CCDC102B: variants seen among roughly 807,000 people sequenced by gnomAD.
The protein encoded by CCDC102B is coiled-coil domain-containing protein 102B.
CCDC102B carries 75 observed loss-of-function variants against 57.4 expected under a neutral mutation model. That is an observed-to-expected ratio of 1.31 (90% CI 1.08 to 1.58). The LOEUF (loss-of-function observed/expected upper bound fraction) is 1.58. CCDC102B is among the 40% of genes most tolerant of loss of function. The probability of loss-of-function intolerance (pLI) is 0.00; values close to 1 mark genes in which losing one functional copy is unlikely to be tolerated. For missense variants in CCDC102B, 636 were observed against 582.6 expected (o/e 1.09, Z -0.94); for synonymous variants, 206 against 201.9 (o/e 1.02, Z -0.17).
At chr18:69,025,843 A>G (rs1303992198) in intron 7 of CCDC102B, among the ~76,000 whole-genome samples, 1 of 152,218 alleles carries the variant, frequency 6.6e-6, no homozygotes, top group East Asian at 1.9e-4. Flanking sequence ...GCAGAAGGAC[A>G]GAGCTGAGTA....
intron 7 of CCDC102B, among the ~76,000 whole-genome samples, chr18:69,027,829 T>C (rs1483868981): frequency 6.6e-6 from 1 of 152,166 alleles, no homozygotes; most frequent in Non-Finnish European, 1.5e-5. Context: ...AAATAAAATA[T>C]GTGAATTGTA....
At chr18:68,786,915 A>C (rs2035233641) in intron 2 of CCDC102B, among the ~76,000 whole-genome samples, 1 of 152,198 alleles carries the variant, frequency 6.6e-6, no homozygotes, top group Non-Finnish European at 1.5e-5. Flanking sequence ...CAGTTTTCAA[A>C]GGGAATGCTT....
intron 1 of CCDC102B, among the ~76,000 whole-genome samples, chr18:68,818,792 A>G (rs1050378071): frequency 6.6e-6 from 1 of 152,146 alleles, no homozygotes; most frequent in Non-Finnish European, 1.5e-5. Flanking sequence ...ATTTTGAGCA[A>G]TTAGGAATAA....
chr18:68,793,590 T>TATCCATCCATCCATCC (rs10628588), upstream of CCDC102B, among the ~76,000 whole-genome samples: 14 of 149,184 alleles, frequency 9.4e-5, no homozygotes, highest in African/African-American at 3.5e-4. Flanking sequence ...GTTCATAGAA[T>TATCCATCCATCCATCC]ATCCATCCAT....
At chr18:68,841,325 T>C (rs2037620134) in intron 3 of CCDC102B, among the ~76,000 whole-genome samples, 1 of 152,184 alleles carries the variant, frequency 6.6e-6, no homozygotes, top group Non-Finnish European at 1.5e-5. Context: ...TGTCCTTGAC[T>C]AGAACCTCCT....
At chr18:68,940,777 A>T (rs943339439) in intron 6 of CCDC102B, among the ~76,000 whole-genome samples, 1 of 152,070 alleles carries the variant, frequency 6.6e-6, no homozygotes. Context: ...GAGGTCTAGA[A>T]TTAATGTACA....
intron 7 of CCDC102B, among the ~76,000 whole-genome samples, chr18:69,023,138 A>T (rs2145425078): frequency 6.6e-6 from 1 of 152,336 alleles, no homozygotes; most frequent in South Asian, 2.1e-4. Context: ...ACTGGGCAAG[A>T]TACAGAAATG....
chr18:69,050,117 G>A (rs1000715497), intron 7 of CCDC102B, among the ~76,000 whole-genome samples: 39 of 152,172 alleles, frequency 2.6e-4, no homozygotes, highest in African/African-American at 8.7e-4. Flanking sequence ...CCTTAAATCT[G>A]CATTTCTAAA....
chr18:69,024,142 C>T (rs1230100709), intron 7 of CCDC102B, among the ~76,000 whole-genome samples: 1 of 152,004 alleles, frequency 6.6e-6, no homozygotes, highest in Non-Finnish European at 1.5e-5. Flanking sequence ...CAAGGACAGA[C>T]TTATATCTTT....
intron 1 of CCDC102B, among the ~76,000 whole-genome samples, chr18:68,807,561 C>T (rs2036078639): frequency 6.6e-6 from 1 of 152,136 alleles, no homozygotes. Flanking sequence ...TTAATCTGGT[C>T]TTCCACTCTT....
chr18:68,767,366 T>A (rs2034503140), intron 2 of CCDC102B, among the ~76,000 whole-genome samples: 1 of 152,222 alleles, frequency 6.6e-6, no homozygotes, highest in Non-Finnish European at 1.5e-5. Flanking sequence ...GCCTTCTTTC[T>A]GGGCCATGTG....
At chr18:68,804,756 G>C (rs1392730020) in intron 1 of CCDC102B, among the ~76,000 whole-genome samples, 2 of 152,102 alleles carry the variant, frequency 1.3e-5, no homozygotes, top group African/African-American at 4.8e-5. Flanking sequence ...AGTTGAAAAT[G>C]ATACTGCGAC....
intron 7 of CCDC102B, among the ~76,000 whole-genome samples, chr18:69,043,310 G>A (rs1469922440): frequency 6.6e-6 from 1 of 152,058 alleles, no homozygotes; most frequent in African/African-American, 2.4e-5. Flanking sequence ...CCATTGCCCA[G>A]GGACGGGCAG....
intron 2 of CCDC102B, among the ~76,000 whole-genome samples, chr18:68,741,873 C>T (rs556784841): frequency 6.6e-6 from 1 of 152,012 alleles, no homozygotes; most frequent in Non-Finnish European, 1.5e-5. Context: ...AGTGAGTGTT[C>T]CCATAGGTAG....
intron 2 of CCDC102B, among the ~76,000 whole-genome samples, chr18:68,771,603 C>A (rs926340006): frequency 6.6e-6 from 1 of 151,204 alleles, no homozygotes; most frequent in African/African-American, 2.4e-5. Context: ...AATCTTGGGA[C>A]CACTTCTCTG....
At chr18:69,049,267 A>G (rs781308661) in intron 7 of CCDC102B, among the ~76,000 whole-genome samples, 7 of 151,732 alleles carry the variant, frequency 4.6e-5, no homozygotes, top group Non-Finnish European at 8.8e-5. Context: ...TTCAACTCCA[A>G]CTTATGAGTG....
chr18:68,901,430 T>A (rs2040448849), intron 6 of CCDC102B, among the ~76,000 whole-genome samples: 1 of 152,180 alleles, frequency 6.6e-6, no homozygotes, highest in African/African-American at 2.4e-5. Flanking sequence ...CATGGCTTGT[T>A]GCCTCCTGCT....
chr18:68,882,364 C>T (rs1248620085), intron 5 of CCDC102B, among the ~76,000 whole-genome samples: 1 of 152,110 alleles, frequency 6.6e-6, no homozygotes, highest in African/African-American at 2.4e-5. Context: ...AAGCCCAAAA[C>T]CTGAAAAAGA....
chr18:68,993,437 AT>A (rs1200601384), intron 6 of CCDC102B: 1 of 152,216 alleles, frequency 6.6e-6, no homozygotes, highest in East Asian at 1.9e-4. Context: ...TTATAGTGAA[AT>A]GCCTGCCTTC....
Sources: allele counts gnomAD v4.1 joint callset (sites outside exome capture counted in the v4.1 genomes callset), GRCh38; gene constraint gnomAD v4.1.1; transcripts MANE v1.5; gene names NCBI Gene and HGNC (gene_info 2026-07-23, HGNC 2026-07-21).